The following SLU7 variants were observed in gnomAD, a reference collection of about 807,000 sequenced individuals.
The protein encoded by SLU7 is spliceosome associated SLU7.
In SLU7, 60 loss-of-function variants were observed where a neutral mutation model predicts 87.0. The observed-to-expected ratio is 0.69, with a 90% CI of 0.56 to 0.86. The LOEUF is 0.86. SLU7 is among the 40% of genes least tolerant of loss of function. The pLI, the probability that SLU7 is intolerant of heterozygous loss-of-function variation, is 0.00. For missense variants in SLU7, 507 were observed against 686.6 expected (o/e 0.74, Z 2.92); for synonymous variants, 197 against 222.0 (o/e 0.89, Z 1.00).
intron 6 of SLU7, among the ~76,000 whole-genome samples, chr5:160,411,006 C>T (rs550867748): frequency 6.6e-6 from 1 of 151,792 alleles, no homozygotes; most frequent in Admixed American, 6.6e-5. Context: ...GCTGGGACTA[C>T]AGGCGCCCGC....
chr5:160,411,975 CT>C (rs1765257005), intron 6 of SLU7, among the ~76,000 whole-genome samples: 1 of 152,110 alleles, frequency 6.6e-6, no homozygotes, highest in Non-Finnish European at 1.5e-5. Context: ...ATTATACTAT[CT>C]TTTCATGTAT....
Position 160,405,128 on chromosome 5 carries a change from C to T in SLU7, c.1295G>A (p.Trp432Ter), listed in dbSNP as rs1381984512. Residue 432 changes from tryptophan to a stop codon, truncating the protein, a stop_gained, in exon 13 of 16, where the codon TGG becomes TAG. Transcript: ENST00000297151. LOFTEE classifies it high-confidence loss of function. ...TCGGCCTTCTTTCCAGTACGATCCCCAGATATGCTGCAGAGAGAGAAATTA... is the reference window on the plus strand; with the variant it reads ...TCGGCCTTCTTTCCAGTACGATCCCTAGATATGCTGCAGAGAGAGAAATTA... ...DVKIHNHTHI[W>*]GSYWKEGRWG... 1 of 1,609,004 alleles carries T rather than the reference C, an allele frequency of 6.2e-7. No homozygotes were observed. The highest frequency in any genetic ancestry group is 8.5e-7 in the Non-Finnish European group (1 of 1,175,788).
At chr5:160,416,020 G>A (rs1581076064) in intron 1 of SLU7, among the ~76,000 whole-genome samples, 1 of 152,052 alleles carries the variant, frequency 6.6e-6, no homozygotes, top group South Asian at 2.1e-4. Flanking sequence ...AGTCTCCCGA[G>A]TAGCTCGATT....
At chr5:160,408,559 T>C in intron 7 of SLU7, 91 bp downstream of exon 7, 2 of 1,438,526 alleles carry the variant, frequency 1.4e-6, no homozygotes, top group Non-Finnish European at 9.6e-7. Context: ...TTTACTTGTG[T>C]TCTTTAAAAG....
rs779401179 is a variant in SLU7 at position 160,413,935 on chromosome 5, A to C, written c.369T>G (p.Cys123Trp). ...TKYRKGACEN[C>W]GAMTHKKKDC... ...CTTTCTTTTTGTGTGTCATGGCCCC[A>C]CAATTTTCACATGCTCCTTTGCGGT... Residue 123 changes from cysteine to tryptophan, a missense_variant, in exon 4 of 16, where the codon TGT becomes TGG. Physicochemically the swap from Cys to Trp is radical, Grantham distance 215 (BLOSUM62 -2). Transcript: ENST00000297151. 2 of 1,602,190 alleles carry C rather than the reference A, an allele frequency of 1.2e-6. No individual in the cohort carries two copies. The highest frequency in any genetic ancestry group is 1.1e-5 in the South Asian group (1 of 87,788).
intron 2 of SLU7, 64 bp downstream of exon 2, chr5:160,415,061 T>C: frequency 7.3e-7 from 1 of 1,363,592 alleles, no homozygotes; most frequent in South Asian, 1.5e-5. Context: ...GAAAAATTAA[T>C]AAACTAAGTA....
chr5:160,406,691 G>GA, intron 11 of SLU7, 62 bp from the exon 12 acceptor site: 1 of 1,229,824 alleles, frequency 8.1e-7, no homozygotes, highest in Non-Finnish European at 1.1e-6. Context: ...TAAATTTCCA[G>GA]AAAACATTTA....
chr5:160,411,068 G>C (rs191734734), intron 6 of SLU7, among the ~76,000 whole-genome samples: 1 of 152,022 alleles, frequency 6.6e-6, no homozygotes, highest in Admixed American at 6.5e-5. Flanking sequence ...GGGTTTCACC[G>C]TGTTAGCCAG....
At chr5:160,406,729 C>A in intron 11 of SLU7, 100 bp from the exon 12 acceptor site, 1 of 1,007,414 alleles carries the variant, frequency 9.9e-7, no homozygotes, top group Non-Finnish European at 1.4e-6. Flanking sequence ...AGGGAACATT[C>A]TTTACTGGGT....
chr5:160,418,698 TAC>T (rs1423149475), intron 1 of SLU7: 1 of 152,304 alleles, frequency 6.6e-6, no homozygotes, highest in African/African-American at 2.4e-5. Flanking sequence ...GGCGAGGAAA[TAC>T]AGTCTGTCAA....
intron 5 of SLU7, 102 bp from the exon 6 acceptor site, chr5:160,412,621 A>G (rs1291176276): frequency 2.9e-6 from 2 of 685,532 alleles, no homozygotes; most frequent in African/African-American, 3.7e-5. Context: ...TTTAAAATGA[A>G]TAACTTTAAA....
intron 12 of SLU7, 149 bp downstream of exon 12, chr5:160,406,319 T>G: frequency 1.7e-6 from 1 of 603,700 alleles, no homozygotes; most frequent in Non-Finnish European, 2.6e-6. Context: ...ATTTTTCTAT[T>G]TTTGAAAAAA....
At chr5:160,417,164 C>G (rs1288384303) in intron 1 of SLU7, 2 of 152,158 alleles carry the variant, frequency 1.3e-5, no homozygotes, top group African/African-American at 2.4e-5. Context: ...AATGTGAAAA[C>G]AGATTAATAC....
At chr5:160,413,700 G>A in intron 4 of SLU7, 80 bp from the exon 5 acceptor site, 1 of 1,270,358 alleles carries the variant, frequency 7.9e-7, no homozygotes, top group Non-Finnish European at 1.1e-6. Flanking sequence ...TACAGAGTGG[G>A]CACTTTACGA....
chr5:160,406,425 C>T, intron 12 of SLU7, 43 bp downstream of exon 12: 1 of 1,507,668 alleles, frequency 6.6e-7, no homozygotes, highest in Non-Finnish European at 8.9e-7. Context: ...CAATACAGAG[C>T]AAAACCAACA....
At chr5:160,415,048 G>A (rs1175887483) in intron 2 of SLU7, 77 bp downstream of exon 2, 2 of 1,253,280 alleles carry the variant, frequency 1.6e-6, no homozygotes, top group Non-Finnish European at 2.2e-6. Flanking sequence ...CCTCTCAAAG[G>A]ATGAAAAATT....
At chr5:160,405,473 G>A (rs1764969061) in intron 12 of SLU7, among the ~76,000 whole-genome samples, 1 of 152,194 alleles carries the variant, frequency 6.6e-6, no homozygotes, top group South Asian at 2.1e-4. Context: ...CCATTAGATA[G>A]GGCTTGTGTT....
intron 6 of SLU7, among the ~76,000 whole-genome samples, chr5:160,410,905 C>T (rs891301377): frequency 1.6e-4 from 24 of 147,952 alleles, no homozygotes; most frequent in African/African-American, 5.5e-4. Flanking sequence ...CTCACTCTGT[C>T]GCCCAGGCTG....
chr5:160,404,172 T>C (rs1489020032), intron 15 of SLU7, among the ~76,000 whole-genome samples: 3 of 152,162 alleles, frequency 2.0e-5, no homozygotes, highest in Non-Finnish European at 2.9e-5. Context: ...GAGACCAGAC[T>C]GGGCAACATG....
Sources: allele counts gnomAD v4.1 joint callset (sites outside exome capture counted in the v4.1 genomes callset), GRCh38; gene constraint gnomAD v4.1.1; transcripts MANE v1.5; gene names NCBI Gene and HGNC (gene_info 2026-07-23, HGNC 2026-07-21).